ROGDI: variants seen among roughly 807,000 people sequenced by gnomAD.
The protein encoded by ROGDI is rogdi atypical leucine zipper.
Under a neutral mutation model 43.1 loss-of-function variants are expected in ROGDI, and 46 were observed. That is an observed-to-expected ratio of 1.07 (90% CI 0.84 to 1.37). ROGDI has a LOEUF of 1.37. Among genes scored for constraint, ROGDI ranks in the 40% most tolerant of loss-of-function variants. ROGDI has a pLI of 0.00. For synonymous variants in ROGDI, 243 were observed against 162.0 expected, an observed-to-expected ratio of 1.50 and a Z score of -3.80; for missense variants, 518 against 383.9, an observed-to-expected ratio of 1.35 and a Z score of -2.92.
chr16:4,799,123 G>T (rs1244972112), intron 6 of ROGDI, among the ~76,000 whole-genome samples: 8 of 152,218 alleles, frequency 5.3e-5, no homozygotes. Context: ...TCCCTTTGCC[G>T]TGGAGCAGAG....
chr16:4,801,828 A>C, intron 2 of ROGDI: 2 of 593,896 alleles, frequency 3.4e-6, no homozygotes, highest in Non-Finnish European at 6.0e-6. Flanking sequence ...GGGGAATACA[A>C]AACAGACAGG....
intron 5 of ROGDI, 141 bp from the exon 6 acceptor site, chr16:4,799,922 G>C (rs2082696336): frequency 4.7e-6 from 3 of 635,086 alleles, no homozygotes; most frequent in African/African-American, 3.6e-5. Flanking sequence ...TCCACGCCAG[G>C]TGATGGGCAT....
chr16:4,799,452 C>T (rs982068036), intron 6 of ROGDI, among the ~76,000 whole-genome samples: 2 of 152,104 alleles, frequency 1.3e-5, no homozygotes, highest in Non-Finnish European at 2.9e-5. Context: ...CTGCTGCTAC[C>T]GGCAGTGGTG....
Position 4,801,273 on chromosome 16 carries a change from G to T in ROGDI, c.249C>A (p.Ser83Arg). ...ACAGGGCCGGGGGACTCACCGCCTG[G>T]CTGAGGGCATCCCCCTGCAGAGTCA... ...GVLTLQGDAL[S>R]QADVNLKMPR... is the part of the protein sequence containing the mutation. Residue 83 changes from serine (S) to arginine (R), a missense_variant, in exon 4 of 11, where the codon AGC becomes AGA. Coordinates refer to ENST00000322048, the MANE Select transcript of ROGDI (RefSeq NM_024589.3). 6.2e-7 allele frequency: 1 copy of T among 1,606,736 alleles called. No homozygotes were observed.
intron 6 of ROGDI, among the ~76,000 whole-genome samples, chr16:4,799,159 G>T (rs1460250388): frequency 1.3e-5 from 2 of 152,152 alleles, no homozygotes; most frequent in Non-Finnish European, 2.9e-5. Flanking sequence ...CAGAGCCCCA[G>T]CTTTCGTGCC....
intron 2 of ROGDI, chr16:4,802,082 C>T (rs1323096048): frequency 4.8e-6 from 3 of 626,640 alleles, no homozygotes; most frequent in South Asian, 3.0e-5. Context: ...CACTGCCAGG[C>T]AGAGGCAGAA....
chr16:4,798,892 C>T, intron 6 of ROGDI: 1 of 552,186 alleles, frequency 1.8e-6, no homozygotes, highest in South Asian at 2.5e-5. Context: ...TGATTCACTG[C>T]ACGGGGATCC....
Position 4,799,784 on chromosome 16 carries a change from G to T in ROGDI, c.337-3C>A. 6.2e-7 allele frequency: 1 copy of T among 1,610,564 alleles called. No individual in the cohort carries two copies. Among genetic ancestry groups the T allele is most frequent in the South Asian group, 1.1e-5 (1 of 90,826 alleles). On this transcript the variant is annotated splice_polypyrimidine_tract_variant and splice_region_variant and intron_variant, in intron 5 of 10. Coordinates refer to ENST00000322048, the MANE Select transcript of ROGDI (RefSeq NM_024589.3). ...ACATGGTTTCTGGCATCCTGGATCT[G>T]GAAGCAGGGGTCATCCAGAGGGGTC...
intron 4 of ROGDI, chr16:4,800,929 T>C: frequency 2.0e-6 from 1 of 505,722 alleles, no homozygotes. Context: ...CCCCACGCCT[T>C]GGTGCCTGGC....
chr16:4,798,002 A>T lies in ROGDI; in HGVS notation c.646-15T>A. 6.2e-7 allele frequency: 1 copy of T among 1,613,044 alleles called. No homozygotes were observed. Among genetic ancestry groups the T allele is most frequent in the Non-Finnish European group, 8.5e-7 (1 of 1,179,524 alleles). ...GGGCGGAAGTTCTAGGGAGAACAGC[A>T]CCAGACCCGTCAGGCCTTGCAGGGC... On this transcript the variant is annotated splice_polypyrimidine_tract_variant and intron_variant, in intron 8 of 10. Coordinates refer to ENST00000322048, the MANE Select transcript of ROGDI (RefSeq NM_024589.3).
chr16:4,798,541 T>C, intron 7 of ROGDI, 28 bp downstream of exon 7: 1 of 1,513,368 alleles, frequency 6.6e-7, no homozygotes, highest in South Asian at 1.2e-5. Flanking sequence ...ACCCCTCTCC[T>C]GCAGCAGGGG....
At chr16:4,798,801 C>A in intron 6 of ROGDI, 134 bp from the exon 7 acceptor site, 5 of 725,728 alleles carry the variant, frequency 6.9e-6, no homozygotes, top group African/African-American at 1.8e-5. Flanking sequence ...GCAGCAGGGA[C>A]CTGTTAAAGA....
chr16:4,801,122 T>C, intron 4 of ROGDI, 145 bp downstream of exon 4: 1 of 616,872 alleles, frequency 1.6e-6, no homozygotes, highest in Non-Finnish European at 2.8e-6. Context: ...GTGTGAGGGT[T>C]GCTGTCATTT....
At position 4,797,330 on chromosome 16, in the gene ROGDI, T is replaced by C. The variant is rs1475456393; in HGVS notation, c.*130A>G. The C allele has an allele frequency of 1.7e-5, 13 of 752,996 alleles. No homozygotes were observed. Among genetic ancestry groups the C allele is most frequent in the Non-Finnish European group, 2.6e-5 (12 of 463,456 alleles). 46.6% of individuals were successfully genotyped at this position (752,996 alleles called of 1,614,324 possible). A position where few individuals can be genotyped will look rare whatever the true frequency, so the allele number is the denominator to read the frequency against. On this transcript the variant is annotated 3_prime_UTR_variant, in exon 11 of 11. Coordinates refer to ENST00000322048, the MANE Select transcript of ROGDI (RefSeq NM_024589.3). ...GTGTCCATTCCCGGCAGTGCAAATG[T>C]GTTAGGTGGGGTAGGGGGTGGGATA...
Position 4,798,167 on chromosome 16 carries a change from G to A in ROGDI, c.549C>T (p.Ala183=). 6.2e-7 allele frequency: 1 copy of A among 1,613,814 alleles called. No homozygotes were observed. Among genetic ancestry groups the A allele is most frequent in the Non-Finnish European group, 8.5e-7 (1 of 1,179,864 alleles). The part of the protein sequence containing the change: ...ASGLTRMFAP[A]LPSDLLVNVY... ...CGTTGACCAGCAGGTCGGACGGCAG[G>A]GCAGGGGCGAACATCCGCTGCGGGA... Residue 183 remains alanine (A), a synonymous_variant, in exon 8 of 11, where the codon GCC becomes GCT. Coordinates refer to ENST00000322048, the MANE Select transcript of ROGDI (RefSeq NM_024589.3).
chr16:4,802,290 C>G (rs1399121206), intron 2 of ROGDI, 92 bp downstream of exon 2: 1 of 1,184,130 alleles, frequency 8.4e-7, no homozygotes, highest in Non-Finnish European at 1.2e-6. Flanking sequence ...ACACTGTAGG[C>G]GCTCAGGACG....
rs2082663908 is a variant in ROGDI at position 4,797,443 on chromosome 16, G to T, written c.*17C>A. ...GACGGGGCCGCCTTCCTGGAGACAA[G>T]CTCCTGGGTGCTGTGATCAGAAGGG... is the stretch of plus-strand genomic sequence containing the variant. On this transcript the variant is annotated 3_prime_UTR_variant, in exon 11 of 11. Coordinates refer to ENST00000322048, the MANE Select transcript of ROGDI (RefSeq NM_024589.3). 6.2e-7 allele frequency: 1 copy of T among 1,610,772 alleles called. No individual in the cohort carries two copies. The highest frequency in any genetic ancestry group is 1.3e-5 in the African/African-American group (1 of 74,968).
intron 7 of ROGDI, 55 bp from the exon 8 acceptor site, chr16:4,798,239 G>A (rs1415472574): frequency 9.7e-6 from 14 of 1,444,250 alleles, no homozygotes; most frequent in Admixed American, 1.8e-5. Context: ...AGGCTGGATG[G>A]AGCGGGGCTC....
At chr16:4,800,762 G>C in intron 4 of ROGDI, 184 bp from the exon 5 acceptor site, 1 of 592,790 alleles carries the variant, frequency 1.7e-6, no homozygotes, top group Non-Finnish European at 3.0e-6. Flanking sequence ...CAGGAAACAG[G>C]AAACCAGGCC....
Sources: gnomAD v4.1 joint callset for allele counts (sites outside exome capture counted in the v4.1 genomes callset) on GRCh38, gnomAD v4.1.1 for gene constraint, MANE v1.5 for transcripts, NCBI Gene and HGNC (gene_info 2026-07-23, HGNC 2026-07-21) for gene names.